MYO5A: variants seen among roughly 807,000 people sequenced by gnomAD.
The protein encoded by MYO5A is unconventional myosin-Va.
MYO5A carries 98 observed loss-of-function variants against 249.7 expected under a neutral mutation model. The ratio of observed to expected loss-of-function variants is 0.39; its 90% CI spans 0.33 to 0.46. MYO5A has a LOEUF of 0.46. Ranked by LOEUF, MYO5A falls within the 20% of genes least tolerant of loss-of-function variation. MYO5A has a pLI of 0.98. For missense variants in MYO5A, 1,696 were observed against 2,308.8 expected (o/e 0.73, Z 5.44); for synonymous variants, 778 against 810.6 (o/e 0.96, Z 0.68).
At chr15:52,464,515 T>C (rs1258574657) in intron 1 of MYO5A, among the ~76,000 whole-genome samples, 1 of 152,222 alleles carries the variant, frequency 6.6e-6, no homozygotes, top group Non-Finnish European at 1.5e-5. Context: ...ATTGTTTTGG[T>C]TATGTGGGAT....
chr15:52,464,178 A>T (rs1451198719), intron 1 of MYO5A, among the ~76,000 whole-genome samples: 1 of 152,190 alleles, frequency 6.6e-6, no homozygotes, highest in Non-Finnish European at 1.5e-5. Context: ...GCCCAACCCC[A>T]GGCCAAACCC....
At position 52,312,896 on chromosome 15, in the gene MYO5A, T is replaced by A. The variant is rs2037828516; in HGVS notation, c.*800A>T. 6.6e-6 allele frequency: 1 copy of A among 152,474 alleles called. No homozygotes were observed. Among genetic ancestry groups the A allele is most frequent in the Non-Finnish European group, 1.5e-5 (1 of 68,044 alleles). 9.4% of individuals were successfully genotyped at this position (152,474 alleles called of 1,614,324 possible). On this transcript the variant is annotated 3_prime_UTR_variant, in exon 42 of 42. Transcript: ENST00000399233. ...CCTAAATGTCAAGCATTTTGTCATA[T>A]TACTACATGACTTTCCAGTGTCTGC... is the stretch of plus-strand genomic sequence containing the variant.
intron 1 of MYO5A, among the ~76,000 whole-genome samples, chr15:52,513,049 T>G (rs905724438): frequency 1.3e-5 from 2 of 150,926 alleles, no homozygotes; most frequent in African/African-American, 4.9e-5. Flanking sequence ...TTGCTACACA[T>G]AGTAAAGTCT....
chr15:52,431,257 G>T (rs2075528858), intron 2 of MYO5A, among the ~76,000 whole-genome samples: 1 of 23,092 alleles, frequency 4.3e-5, no homozygotes, highest in African/African-American at 1.2e-4. Flanking sequence ...GTCTAGTGCA[G>T]TAGCTGATGC....
intron 16 of MYO5A, among the ~76,000 whole-genome samples, chr15:52,381,492 A>G (rs2041736066): frequency 6.6e-6 from 1 of 152,082 alleles, no homozygotes; most frequent in Non-Finnish European, 1.5e-5. Flanking sequence ...TATAAATTCC[A>G]CTTCTAGAGT....
chr15:52,482,862 C>T (rs1442001977), intron 1 of MYO5A, among the ~76,000 whole-genome samples: 1 of 152,134 alleles, frequency 6.6e-6, no homozygotes, highest in East Asian at 1.9e-4. Context: ...ACCAACCTGC[C>T]CGTGGCTCTT....
At chr15:52,508,490 T>C (rs2077321158) in intron 1 of MYO5A, among the ~76,000 whole-genome samples, 1 of 152,158 alleles carries the variant, frequency 6.6e-6, no homozygotes, top group Non-Finnish European at 1.5e-5. Flanking sequence ...TACATCTATA[T>C]TAGTCCTATG....
chr15:52,433,541 C>T (rs896538987), intron 1 of MYO5A, among the ~76,000 whole-genome samples: 1 of 151,074 alleles, frequency 6.6e-6, no homozygotes, highest in Admixed American at 6.6e-5. Context: ...CTGCCTCAGC[C>T]TCCTGAGTAG....
At chr15:52,523,086 G>C (rs1226603663) in intron 1 of MYO5A, among the ~76,000 whole-genome samples, 1 of 152,190 alleles carries the variant, frequency 6.6e-6, no homozygotes, top group African/African-American at 2.4e-5. Flanking sequence ...TGATGAAACA[G>C]GAATTAATTT....
At chr15:52,388,156 C>T (rs78548052) in intron 13 of MYO5A, among the ~76,000 whole-genome samples, 1,778 of 152,190 alleles carry the variant, frequency 0.012, 34 homozygotes, top group African/African-American at 0.041. Context: ...TCTAAAAGAT[C>T]CTCTCAGTTA....
In MYO5A at chr15:52,322,974, C is replaced by T. The variant is rs1252255607; in HGVS notation, c.4800+381G>A. Among the ~76,000 whole-genome samples, 3 of 152,058 alleles carry T rather than the reference C, an allele frequency of 2.0e-5. No homozygotes were observed. In the East Asian group the frequency reaches 5.8e-4, roughly 29 times the overall value. On this transcript the variant is annotated intron_variant, in intron 37 of 41. Transcript: ENST00000399233. Reference sequence around the variant, plus strand: ...TTAGGTATATCTCCCAATGCCATCCCTCCCCCCGATTTTTGATCACCTTTT... The same window carrying T: ...TTAGGTATATCTCCCAATGCCATCCTTCCCCCCGATTTTTGATCACCTTTT...
At chr15:52,394,689 C>T (rs888843105) in intron 11 of MYO5A, among the ~76,000 whole-genome samples, 1 of 152,144 alleles carries the variant, frequency 6.6e-6, no homozygotes, top group African/African-American at 2.4e-5. Flanking sequence ...ACAGGAGGCC[C>T]TTGAAAAACA....
chr15:52,417,079 T>C (rs1844814424), intron 4 of MYO5A, among the ~76,000 whole-genome samples: 3 of 152,180 alleles, frequency 2.0e-5, no homozygotes, highest in South Asian at 2.1e-4. Flanking sequence ...GAAAGGAACA[T>C]AAGAATGATA....
At chr15:52,462,994 G>T (rs982863016) in intron 1 of MYO5A, among the ~76,000 whole-genome samples, 6 of 152,142 alleles carry the variant, frequency 3.9e-5, no homozygotes, top group African/African-American at 1.4e-4. Context: ...ATCCAAATTG[G>T]GTGGTCGGGT....
At chr15:52,428,226 G>T (rs962904984) in intron 3 of MYO5A, among the ~76,000 whole-genome samples, 172 bp downstream of exon 3, 1 of 152,186 alleles carries the variant, frequency 6.6e-6, no homozygotes, top group Non-Finnish European at 1.5e-5. Flanking sequence ...GGTCACAAAT[G>T]AGTTTATTCA....
At chr15:52,326,264 G>C (rs2038600841) in intron 36 of MYO5A, among the ~76,000 whole-genome samples, 1 of 152,128 alleles carries the variant, frequency 6.6e-6, no homozygotes, top group African/African-American at 2.4e-5. Flanking sequence ...GTATCTTCTT[G>C]CAATTATTAT....
chr15:52,428,704 T>C (rs1207475382), intron 2 of MYO5A, 135 bp from the exon 3 acceptor site: 5 of 912,700 alleles, frequency 5.5e-6, no homozygotes, highest in African/African-American at 1.6e-5. Context: ...CACCTTCCAA[T>C]ATCACAGAAA....
intron 8 of MYO5A, among the ~76,000 whole-genome samples, chr15:52,405,892 G>C (rs1203137996): frequency 2.0e-5 from 3 of 152,152 alleles, no homozygotes; most frequent in Admixed American, 6.5e-5. Context: ...GCCCAATAAA[G>C]CTGTTACTTC....
intron 29 of MYO5A, among the ~76,000 whole-genome samples, chr15:52,347,318 C>T (rs567501331): frequency 6.6e-6 from 1 of 152,230 alleles, no homozygotes; most frequent in Non-Finnish European, 1.5e-5. Context: ...ATATTCAGTA[C>T]ATGTATCCCA....
Sources: allele counts gnomAD v4.1 joint callset (sites outside exome capture counted in the v4.1 genomes callset), GRCh38; gene constraint gnomAD v4.1.1; transcripts MANE v1.5; gene names NCBI Gene and HGNC (gene_info 2026-07-23, HGNC 2026-07-21).